The following FA2H variants were observed in gnomAD, a reference collection of about 807,000 sequenced individuals.
FA2H encodes fatty acid alpha-hydroxylase.
In FA2H, 22 loss-of-function variants were observed where a neutral mutation model predicts 44.9. That is an observed-to-expected ratio of 0.49 (90% CI 0.35 to 0.70). The LOEUF (loss-of-function observed/expected upper bound fraction) is 0.70. Among genes scored for constraint, FA2H ranks in the 30% least tolerant of loss-of-function variants. The probability of loss-of-function intolerance (pLI) is 0.01; values close to 1 mark genes in which losing one functional copy is unlikely to be tolerated. For synonymous variants in FA2H, 243 were observed against 213.2 expected, an observed-to-expected ratio of 1.14 and a Z score of -1.22; for missense variants, 501 against 504.9, an observed-to-expected ratio of 0.99 and a Z score of 0.07.
chr16:74,738,105 A>C (rs1052159282), intron 2 of FA2H, among the ~76,000 whole-genome samples: 1 of 152,234 alleles, frequency 6.6e-6, no homozygotes, highest in Non-Finnish European at 1.5e-5. Context: ...ACACCCGGGC[A>C]GGTGGGGGCT....
At chr16:74,756,191 C>G (rs1962609044) in intron 1 of FA2H, among the ~76,000 whole-genome samples, 1 of 152,210 alleles carries the variant, frequency 6.6e-6, no homozygotes, top group Non-Finnish European at 1.5e-5. Flanking sequence ...GGAATCTGGC[C>G]TGCAGGCCTC....
intron 1 of FA2H, among the ~76,000 whole-genome samples, chr16:74,769,039 T>G (rs1376738838): frequency 6.6e-6 from 1 of 152,046 alleles, no homozygotes; most frequent in Non-Finnish European, 1.5e-5. Flanking sequence ...CCTCTGGCAG[T>G]TATCATCGCT....
At chr16:74,767,325 G>A (rs1962828093) in intron 1 of FA2H, among the ~76,000 whole-genome samples, 1 of 151,976 alleles carries the variant, frequency 6.6e-6, no homozygotes, top group Admixed American at 6.6e-5. Flanking sequence ...TCACTGAGCT[G>A]TATGTTTAAA....
intron 1 of FA2H, among the ~76,000 whole-genome samples, chr16:74,770,101 AC>A (rs1258592233): frequency 2.0e-5 from 3 of 152,168 alleles, no homozygotes; most frequent in Admixed American, 2.0e-4. Context: ...TAGGAGGGGC[AC>A]CATTCAGAAA....
chr16:74,745,108 C>G (rs537747086), intron 1 of FA2H, among the ~76,000 whole-genome samples: 1 of 152,182 alleles, frequency 6.6e-6, no homozygotes, highest in African/African-American at 2.4e-5. Context: ...GACAGAAGCC[C>G]TCATCCCAGT....
At chr16:74,768,450 AG>A (rs1296169663) in intron 1 of FA2H, among the ~76,000 whole-genome samples, 1 of 152,232 alleles carries the variant, frequency 6.6e-6, no homozygotes, top group Non-Finnish European at 1.5e-5. Flanking sequence ...GCCAGAGTGT[AG>A]AAGCCCCTGC....
chr16:74,717,579 C>T (rs1037012642), intron 5 of FA2H, among the ~76,000 whole-genome samples: 1 of 152,214 alleles, frequency 6.6e-6, no homozygotes, highest in African/African-American at 2.4e-5. Flanking sequence ...TGCATGGGTG[C>T]TCTTGTGAGC....
chr16:74,744,909 G>A (rs566839170), intron 1 of FA2H, among the ~76,000 whole-genome samples: 11 of 152,142 alleles, frequency 7.2e-5, no homozygotes, highest in Non-Finnish European at 1.6e-4. Context: ...AACTGGGTAG[G>A]TTTCAGTATT....
chr16:74,746,240 C>T (rs1962421226), intron 1 of FA2H, among the ~76,000 whole-genome samples: 1 of 151,924 alleles, frequency 6.6e-6, no homozygotes, highest in Admixed American at 6.6e-5. Context: ...GTTGTCAGAC[C>T]TTCAGATTTC....
intron 4 of FA2H, 149 bp downstream of exon 4, chr16:74,726,076 G>T: frequency 1.5e-6 from 1 of 655,894 alleles, no homozygotes; most frequent in Non-Finnish European, 2.8e-6. Flanking sequence ...ATTCTTCTTT[G>T]GAAGACTATT....
chr16:74,770,651 A>G (rs1962889063), intron 1 of FA2H, among the ~76,000 whole-genome samples: 1 of 152,198 alleles, frequency 6.6e-6, no homozygotes, highest in Non-Finnish European at 1.5e-5. Context: ...AATTATAAGC[A>G]TGAGCCACTG....
At chr16:74,727,449 TTCC>T in intron 2 of FA2H, 63 bp from the exon 3 acceptor site, 1 of 1,564,282 alleles carries the variant, frequency 6.4e-7, no homozygotes, top group Non-Finnish European at 8.8e-7. Flanking sequence ...GTTCTCCCAT[TTCC>T]TCGTTACAGC....
chr16:74,739,008 C>G (rs371169209), intron 2 of FA2H, among the ~76,000 whole-genome samples: 1 of 152,198 alleles, frequency 6.6e-6, no homozygotes, highest in Non-Finnish European at 1.5e-5. Flanking sequence ...TGATCTCATG[C>G]GACAGGTGGG....
At chr16:74,714,827 T>A (rs1961658578) in intron 6 of FA2H, among the ~76,000 whole-genome samples, 1 of 148,954 alleles carries the variant, frequency 6.7e-6, no homozygotes, top group Non-Finnish European at 1.5e-5. Context: ...TTGATTGAGT[T>A]ACTGGAATTT....
intron 2 of FA2H, among the ~76,000 whole-genome samples, chr16:74,735,415 G>A (rs1422076087): frequency 2.0e-5 from 3 of 152,146 alleles, no homozygotes; most frequent in South Asian, 2.1e-4. Context: ...TGACCCTCCC[G>A]TCACCCAGGG....
In FA2H at chr16:74,766,280, G is replaced by A. The variant is rs147476893; in HGVS notation, c.270+8206C>T. Reference sequence around the variant, plus strand: ...TGCCACTGCACTCTAGCCTGGGGCCGGGGGAACACAGCAAGACTCTGTCTC... The same window carrying A: ...TGCCACTGCACTCTAGCCTGGGGCCAGGGGAACACAGCAAGACTCTGTCTC... On this transcript the variant is annotated intron_variant, in intron 1 of 6. Transcript: ENST00000219368. Among the ~76,000 whole-genome samples the A allele has an allele frequency of 2.7e-3, 414 of 151,916 alleles. 2 individuals carry two copies. Among genetic ancestry groups the A allele is most frequent in the African/African-American group, 8.9e-3 (367 of 41,430 alleles).
chr16:74,719,798 C>T (rs1247427570), intron 4 of FA2H, among the ~76,000 whole-genome samples: 1 of 152,028 alleles, frequency 6.6e-6, no homozygotes, highest in Non-Finnish European at 1.5e-5. Context: ...TCAAGCAATT[C>T]TCTCGCCTTG....
At chr16:74,770,449 G>A (rs1185374738) in intron 1 of FA2H, among the ~76,000 whole-genome samples, 1 of 152,124 alleles carries the variant, frequency 6.6e-6, no homozygotes, top group Non-Finnish European at 1.5e-5. Flanking sequence ...GTGTGATCTG[G>A]CTCACTGCAA....
At chr16:74,715,084 C>T (rs1260742355) in intron 6 of FA2H, among the ~76,000 whole-genome samples, 4 of 151,868 alleles carry the variant, frequency 2.6e-5, no homozygotes, top group African/African-American at 7.3e-5. Flanking sequence ...GTGATCTGCC[C>T]GTCTCGGCCT....
Sources: allele counts gnomAD v4.1 joint callset (sites outside exome capture counted in the v4.1 genomes callset), GRCh38; gene constraint gnomAD v4.1.1; transcripts MANE v1.5; gene names NCBI Gene and HGNC (gene_info 2026-07-23, HGNC 2026-07-21).